PRMT8: variants seen among roughly 807,000 people sequenced by gnomAD.
The protein encoded by PRMT8 is protein arginine methyltransferase 8, also known as protein arginine N-methyltransferase 8.
PRMT8 carries 7 observed loss-of-function variants against 47.1 expected under a neutral mutation model. The observed-to-expected ratio is 0.15, with a 90% CI of 0.08 to 0.28. The LOEUF (loss-of-function observed/expected upper bound fraction) is 0.28. Among genes scored for constraint, PRMT8 ranks in the 10% least tolerant of loss-of-function variants. The probability of loss-of-function intolerance (pLI) is 1.00; values close to 1 mark genes in which losing one functional copy is unlikely to be tolerated. For missense variants in PRMT8, 237 were observed against 505.4 expected (o/e 0.47, Z 5.09); for synonymous variants, 188 against 186.5 (o/e 1.01, Z -0.07).
At chr12:3,511,952 T>C (rs1440000461) in intron 1 of PRMT8, among the ~76,000 whole-genome samples, 1 of 152,246 alleles carries the variant, frequency 6.6e-6, no homozygotes, top group African/African-American at 2.4e-5. Context: ...GCCAGGATGC[T>C]GTGTTCCTTT....
intron 3 of PRMT8, 166 bp from the exon 4 acceptor site, chr12:3,553,485 G>A: frequency 1.5e-6 from 1 of 645,450 alleles, no homozygotes; most frequent in Admixed American, 2.5e-5. Flanking sequence ...CTGGCCTTGA[G>A]GTGGGGGGGC....
intron 1 of PRMT8, among the ~76,000 whole-genome samples, chr12:3,528,844 G>A (rs1486071202): frequency 6.6e-6 from 1 of 152,102 alleles, no homozygotes; most frequent in Admixed American, 6.5e-5. Context: ...TTAAGCTTTG[G>A]TGGGATTTGA....
chr12:3,402,582 G>T (rs539328013), intron 1 of PRMT8, among the ~76,000 whole-genome samples: 1 of 152,250 alleles, frequency 6.6e-6, no homozygotes, highest in African/African-American at 2.4e-5. Context: ...TCTGACAAAG[G>T]TCTAATATCC....
intron 1 of PRMT8, among the ~76,000 whole-genome samples, chr12:3,512,362 C>T (rs575891501): frequency 6.6e-6 from 1 of 152,238 alleles, no homozygotes; most frequent in African/African-American, 2.4e-5. Flanking sequence ...TTGGGACATC[C>T]AGATCTGCAC....
intron 6 of PRMT8, among the ~76,000 whole-genome samples, chr12:3,575,522 G>A (rs1490547024): frequency 6.6e-6 from 1 of 152,224 alleles, no homozygotes; most frequent in Non-Finnish European, 1.5e-5. Flanking sequence ...GCCATGGCAG[G>A]TGAAGGATTT....
At chr12:3,396,249 G>A (rs1292502201) in intron 1 of PRMT8, among the ~76,000 whole-genome samples, 1 of 152,122 alleles carries the variant, frequency 6.6e-6, no homozygotes, top group Non-Finnish European at 1.5e-5. Flanking sequence ...ATTTGATCCT[G>A]TCATTATGAT....
rs1176390652 is a variant in PRMT8, at chr12:3,570,853, T to C, written c.712+1289T>C. ...TCTGCCTCCAGCCAATCTGGTGTGA[T>C]TTCCACTATTTGACCTCCTGGGGGA... On this transcript the variant is annotated intron_variant, in intron 6 of 9. Coordinates refer to ENST00000382622, the MANE Select transcript of PRMT8 (RefSeq NM_019854.5). The surrounding 1 kb of genome is among the most constrained non-coding windows in gnomAD (Gnocchi z 5.5). Among the ~76,000 whole-genome samples, 1 of 152,144 alleles carries C rather than the reference T, an allele frequency of 6.6e-6. No individual in the cohort carries two copies. The highest frequency in any genetic ancestry group is 2.4e-5 in the African/African-American group (1 of 41,414).
chr12:3,559,467 C>A (rs989062127), intron 4 of PRMT8, among the ~76,000 whole-genome samples: 1 of 152,170 alleles, frequency 6.6e-6, no homozygotes, highest in African/African-American at 2.4e-5. Flanking sequence ...TGAGTGGACA[C>A]ATTTACACAA....
At chr12:3,549,070 A>C (rs774069702) in intron 2 of PRMT8, among the ~76,000 whole-genome samples, 18 of 152,228 alleles carry the variant, frequency 1.2e-4, no homozygotes, top group Non-Finnish European at 2.4e-4. Context: ...AATAGGCAGA[A>C]GGAAGCTTTG....
rs1206338325 is a variant in PRMT8, at chr12:3,514,372, AC to A, written c.75+22674del. Among the ~76,000 whole-genome samples the A allele has an allele frequency of 6.6e-6, 1 of 152,142 alleles. No individual in the cohort carries two copies. Among genetic ancestry groups the A allele is most frequent in the African/African-American group, 2.4e-5 (1 of 41,430 alleles). On this transcript the variant is annotated intron_variant, in intron 1 of 9. Transcript: ENST00000382622. The surrounding 1 kb of genome is among the most constrained non-coding windows in gnomAD (Gnocchi z 5.9). ...GGCTCACCTTGTGGGGGATGCCAGC[AC>A]CAGATTGCTGTTGGGGTGTGGCTGG...
intron 1 of PRMT8, among the ~76,000 whole-genome samples, chr12:3,530,960 CT>C (rs1443782243): frequency 6.6e-6 from 1 of 152,168 alleles, no homozygotes; most frequent in East Asian, 1.9e-4. Flanking sequence ...GCTCAATGGC[CT>C]TTGCACAGTG....
chr12:3,538,392 G>A lies in PRMT8; in HGVS notation c.76-2214G>A. The stretch of plus-strand genomic sequence containing the variant: ...GGACCTGCACGCTGCCTTGCTGTTG[G>A]AGATCTGTGCAGTAGGCAGTTGTGG... On this transcript the variant is annotated intron_variant, in intron 1 of 9. Coordinates refer to ENST00000382622, the MANE Select transcript of PRMT8 (RefSeq NM_019854.5). The surrounding 1 kb of genome is among the most constrained non-coding windows in gnomAD (Gnocchi z 4.6). The A allele has an allele frequency of 3.2e-6, 1 of 308,152 alleles. No homozygotes were observed. Among genetic ancestry groups the A allele is most frequent in the Non-Finnish European group, 6.5e-6 (1 of 154,526 alleles). 19.1% of individuals were successfully genotyped at this position (308,152 alleles called of 1,614,324 possible).
intron 1 of PRMT8, among the ~76,000 whole-genome samples, chr12:3,506,398 C>T (rs74057472): frequency 0.013 from 1,927 of 152,226 alleles, 40 homozygotes; most frequent in African/African-American, 0.043. Context: ...CTGGAAGAGA[C>T]GGGAGCAGAA....
intron 4 of PRMT8, 43 bp downstream of exon 4, chr12:3,553,757 G>A (rs761043521): frequency 7.3e-6 from 11 of 1,505,924 alleles, no homozygotes; most frequent in Admixed American, 3.3e-5. Flanking sequence ...TGGAGGGGAC[G>A]GGAAGCTCAC....
At chr12:3,511,603 CT>C in intron 1 of PRMT8, among the ~76,000 whole-genome samples, 1 of 152,310 alleles carries the variant, frequency 6.6e-6, no homozygotes, top group East Asian at 1.9e-4. Context: ...TGCAAGAGCT[CT>C]TTCTTTTCCA....
chr12:3,471,434 A>G (rs1269287737), intron 1 of PRMT8, among the ~76,000 whole-genome samples: 1 of 152,016 alleles, frequency 6.6e-6, no homozygotes, highest in Non-Finnish European at 1.5e-5. Flanking sequence ...AAGGCCACCA[A>G]TCCTCAGGTT....
At chr12:3,489,807 T>TCACACA (rs59257723), upstream of PRMT8, among the ~76,000 whole-genome samples, 19 of 144,206 alleles carry the variant, frequency 1.3e-4, no homozygotes, top group Middle Eastern at 3.8e-3. Flanking sequence ...ATTCAAGTTT[T>TCACACA]CACACACACA....
chr12:3,478,765 C>A (rs1204374820), intron 1 of PRMT8, among the ~76,000 whole-genome samples: 1 of 152,218 alleles, frequency 6.6e-6, no homozygotes, highest in Non-Finnish European at 1.5e-5. Context: ...CTTATCAATC[C>A]TCAGGGAATC....
intron 8 of PRMT8, among the ~76,000 whole-genome samples, chr12:3,591,161 A>G (rs1867292441): frequency 6.6e-6 from 1 of 152,116 alleles, no homozygotes; most frequent in Non-Finnish European, 1.5e-5. Flanking sequence ...TAACTGGAGA[A>G]TATATCGTGT....
Sources: allele counts gnomAD v4.1 joint callset (sites outside exome capture counted in the v4.1 genomes callset), GRCh38; gene constraint gnomAD v4.1.1; non-coding constraint Gnocchi (gnomAD v3.1); transcripts MANE v1.5; gene names NCBI Gene and HGNC (gene_info 2026-07-23, HGNC 2026-07-21).